Variants in SBK2 observed in about 807,000 individuals in gnomAD.
SBK2 encodes the protein serine/threonine-protein kinase SBK2.
A neutral mutation model predicts 15.9 loss-of-function variants in SBK2; 18 were observed. That is an observed-to-expected ratio of 1.13 (90% CI 0.78 to 1.68). The LOEUF (loss-of-function observed/expected upper bound fraction) is 1.68. Among genes scored for constraint, SBK2 ranks in the 40% most tolerant of loss-of-function variants. The probability of loss-of-function intolerance (pLI) is 0.00; values close to 1 mark genes in which losing one functional copy is unlikely to be tolerated. For synonymous variants in SBK2, 284 were observed against 246.8 expected (o/e 1.15, Z -1.41); for missense variants, 581 against 510.9 (o/e 1.14, Z -1.32).
At chr19:55,533,684 A>T (rs1335530534) in intron 2 of SBK2, among the ~76,000 whole-genome samples, 1 of 136,218 alleles carries the variant, frequency 7.3e-6, no homozygotes, top group African/African-American at 2.7e-5. Context: ...AAAAAAAAAA[A>T]AAAAAAAAAA....
In SBK2 at chr19:55,532,307, T is replaced by C. The variant is rs1027966945; in HGVS notation, c.254-962A>G. On this transcript the variant is annotated intron_variant, in intron 2 of 3. Coordinates refer to ENST00000413299, the MANE Select transcript of SBK2 (RefSeq NM_001370096.2). ...TTCTGATGTCTTCCTTTTTTTTTTT[T>C]TTTTTTTTTTTTGAGATGCAGTTTC... Among the ~76,000 whole-genome samples, 146 of 145,426 alleles carry C rather than the reference T, an allele frequency of 1.0e-3. 2 individuals carry two copies. Among genetic ancestry groups the C allele is most frequent in the African/African-American group, 3.6e-3 (141 of 39,048 alleles).
In SBK2 at chr19:55,531,236, C is replaced by T. The variant is rs368234416; in HGVS notation, c.363G>A (p.Thr121=). The T allele has an allele frequency of 1.4e-5, 23 of 1,613,502 alleles. No individual in the cohort carries two copies. In the African/African-American group the frequency reaches 2.4e-4, roughly 17 times the overall value. ...LSLGAHSAIV[T]AYGIGIESAH... ...CCGACTCGATGCCAATGCCGTAGGC[C>T]GTCACGATGGCTGAGTGCGCGCCCA... is the stretch of plus-strand genomic sequence containing the variant. The change falls in exon 3 of 4, where the codon ACG becomes ACA. Residue 121 remains threonine (T), a synonymous_variant. Coordinates refer to ENST00000413299, the MANE Select transcript of SBK2 (RefSeq NM_001370096.2).
intron 2 of SBK2, among the ~76,000 whole-genome samples, chr19:55,531,572 G>A (rs1988268349): frequency 6.6e-6 from 1 of 152,246 alleles, no homozygotes; most frequent in Non-Finnish European, 1.5e-5. Flanking sequence ...GGGACCAGCT[G>A]GGGGCTCAGG....
chr19:55,529,804 C>A lies in SBK2; in HGVS notation c.976G>T (p.Gly326Trp). The change falls in exon 4 of 4, where the codon GGG becomes TGG. Residue 326 changes from glycine (G) to tryptophan (W), a missense_variant. Coordinates refer to ENST00000413299, the MANE Select transcript of SBK2 (RefSeq NM_001370096.2). ...CCCTCCCGCTGCCTCCAGGGGCGCC[C>A]CAGGTGCTCCCTGATGGCGATCACA... Reference protein sequence around the residue: ...SAVIAIREHLGRPWRQREGEA... With the variant: ...SAVIAIREHLWRPWRQREGEA... The A allele has an allele frequency of 6.2e-7, 1 of 1,604,474 alleles. No homozygotes were observed.
At position 55,532,295 on chromosome 19, in the gene SBK2, CTTTTTTTTT is replaced by C. The variant is rs540857379; in HGVS notation, c.254-959_254-951del. 8.8e-3 allele frequency among the ~76,000 whole-genome samples: 682 copies of C among 77,120 alleles called. 6 individuals are homozygous for C. The Middle Eastern group carries it at 0.11, about 12-fold the overall frequency. The allele number at this position is 77,120 out of a possible 152,430, so 50.6% of individuals were successfully genotyped here. On this transcript the variant is annotated intron_variant, in intron 2 of 3. Transcript: ENST00000413299. ...CCCCGAAGGAACTTCTGATGTCTTC[CTTTTTTTTT>C]TTTTTTTTTTTTTTTGAGATGCAGT... is the stretch of plus-strand genomic sequence containing the variant.
rs143867274 is a variant in SBK2 at position 55,535,256 on chromosome 19, A to G, written c.253+786T>C. Among the ~76,000 whole-genome samples, 46 of 151,096 alleles carry G rather than the reference A, an allele frequency of 3.0e-4. No homozygotes were observed. In the East Asian group the frequency reaches 7.4e-3, roughly 24 times the overall value. On this transcript the variant is annotated intron_variant, in intron 2 of 3. Coordinates refer to ENST00000413299, the MANE Select transcript of SBK2 (RefSeq NM_001370096.2). ...CTGACTGACCTCAGGTTGCCTCCCT[A>G]TTTTCCGTTTCATGGAAGGACACGG... is the stretch of plus-strand genomic sequence containing the variant.
At position 55,530,141 on chromosome 19, in the gene SBK2, C is replaced by G. The variant is rs1988215186; in HGVS notation, c.639G>C (p.Leu213=). The G allele has an allele frequency of 6.7e-7, 1 of 1,491,562 alleles. No individual in the cohort carries two copies. Among genetic ancestry groups the G allele is most frequent in the African/African-American group, 1.4e-5 (1 of 69,004 alleles). The allele number at this position is 1,491,562 out of a possible 1,614,324, so 92.4% of individuals were successfully genotyped here. ...DFGHTRPRGT[L]LRLAGPPIPY... is the part of the protein sequence containing the mutation. ...GGATGGGCGGCCCGGCCAGGCGCAG[C>G]AGCGTCCCGCGAGGCCTCGTGTGGC... is the stretch of plus-strand genomic sequence containing the variant. The change falls in exon 4 of 4, where the codon CTG becomes CTC. Residue 213 remains leucine (L), a synonymous_variant. Transcript: ENST00000413299.
At chr19:55,533,698 A>AAAAAAAAAAAT (rs1568492522) in intron 2 of SBK2, among the ~76,000 whole-genome samples, 1 of 69,574 alleles carries the variant, frequency 1.4e-5, no homozygotes, top group African/African-American at 6.2e-5. Context: ...AAAAAAAAAA[A>AAAAAAAAAAAT]GAAAAAGTTC....
chr19:55,530,334 A>T lies in SBK2; in HGVS notation c.457-11T>A. 7.2e-7 allele frequency: 1 copy of T among 1,394,938 alleles called. No individual in the cohort carries two copies. The highest frequency in any genetic ancestry group is 9.3e-7 in the Non-Finnish European group (1 of 1,077,944). The allele number at this position is 1,394,938 out of a possible 1,614,324, so 86.4% of individuals were successfully genotyped here. ...CTGCGGGAGGCCCACCTGCGGGGAG[A>T]GGGGTCAGGGCCCAGTGCCCCGGGG... On this transcript the variant is annotated splice_polypyrimidine_tract_variant and intron_variant, in intron 3 of 3. Coordinates refer to ENST00000413299, the MANE Select transcript of SBK2 (RefSeq NM_001370096.2).
intron 1 of SBK2, 95 bp from the exon 2 acceptor site, chr19:55,536,391 C>T (rs1988406404): frequency 9.1e-7 from 1 of 1,094,788 alleles, no homozygotes; most frequent in Non-Finnish European, 1.2e-6. Context: ...GGAGGAGGGG[C>T]TGGGGGCTCA....
chr19:55,529,884 G>C lies in SBK2; in HGVS notation c.896C>G (p.Ala299Gly). The change falls in exon 4 of 4, where the codon GCG becomes GGG. Residue 299 changes from alanine to glycine, a missense_variant. Ala to Gly is a moderately conservative substitution (Grantham distance 60). Coordinates refer to ENST00000413299, the MANE Select transcript of SBK2 (RefSeq NM_001370096.2). ...CAGCCCCCGCAGAAGCGCGTCGGCCGCGGCGGCCAGGCCGAACCAGGGCTG... is the reference window on the plus strand; with the variant it reads ...CAGCCCCCGCAGAAGCGCGTCGGCCCCGGCGGCCAGGCCGAACCAGGGCTG... Reference protein sequence around the residue: ...RPQPWFGLAAAADALLRGLLD... With the variant: ...RPQPWFGLAAGADALLRGLLD... The C allele has an allele frequency of 6.3e-7, 1 of 1,586,566 alleles. No homozygotes were observed. Among genetic ancestry groups the C allele is most frequent in the Non-Finnish European group, 8.6e-7 (1 of 1,169,452 alleles).
Position 55,529,992 on chromosome 19 carries a change from C to A in SBK2, c.788G>T (p.Trp263Leu). The A allele has an allele frequency of 3.3e-6, 5 of 1,525,702 alleles. No homozygotes were observed. The South Asian group carries it at 4.9e-5, about 15-fold the overall frequency. The allele number at this position is 1,525,702 out of a possible 1,614,324, so 94.5% of individuals were successfully genotyped here. A position where few individuals can be genotyped will look rare whatever the true frequency, so the allele number is the denominator to read the frequency against. The change falls in exon 4 of 4, where the codon TGG (tryptophan) becomes TTG (leucine). Residue 263 changes from tryptophan to leucine, a missense_variant. By Grantham distance (61) the Trp-to-Leu change is moderately conservative. Transcript: ENST00000413299. ...GTCGGCCTCGGCCAGGGGCCGGTCC[C>A]AGGGGAAGTAGCCCGTGAGGAGGCA... Reference protein sequence around the residue: ...LFCLLTGYFPWDRPLAEADPF... With the variant: ...LFCLLTGYFPLDRPLAEADPF...
Position 55,529,790 on chromosome 19 carries a change from C to T in SBK2, c.990G>A (p.Arg330=), listed in dbSNP as rs755810011. 15 of 1,604,156 alleles carry T rather than the reference C, an allele frequency of 9.4e-6. No individual in the cohort carries two copies. In the Admixed American group the frequency reaches 2.2e-4, roughly 23 times the overall value. Residue 330 remains arginine (R), a synonymous_variant, in exon 4 of 4, where the codon AGG becomes AGA. Coordinates refer to ENST00000413299, the MANE Select transcript of SBK2 (RefSeq NM_001370096.2). ...CTGCCTCCGCCTCGCCCTCCCGCTG[C>T]CTCCAGGGGCGCCCCAGGTGCTCCC... is the stretch of plus-strand genomic sequence containing the variant. ...AIREHLGRPW[R]QREGEAEAVG...
In SBK2 at chr19:55,529,766, T is replaced by G; in HGVS notation, c.1014A>C (p.Ala338=). The G allele has an allele frequency of 6.2e-7, 1 of 1,602,774 alleles. No individual in the cohort carries two copies. The highest frequency in any genetic ancestry group is 8.5e-7 in the Non-Finnish European group (1 of 1,179,676). The change falls in exon 4 of 4, where the codon GCA becomes GCC. Residue 338 remains alanine (A), a synonymous_variant. Transcript: ENST00000413299. ...CAGCCTCCTCTTCCACCGCTCCCAC[T>G]GCCTCCGCCTCGCCCTCCCGCTGCC... ...PWRQREGEAE[A]VGAVEEEAGQ is the part of the protein sequence containing the mutation.
chr19:55,531,321 A>C lies in SBK2; in HGVS notation c.278T>G (p.Leu93Arg). ...QKGTPLALKQLPKPRTSLRGF... is the reference protein window; with the variant it reads ...QKGTPLALKQRPKPRTSLRGF... Reference sequence around the variant, plus strand: ...ACGGAGGGACGTGCGGGGTTTCGGGAGCTGCTTCAGTGCCAGGGGTGTGCC... The same window carrying C: ...ACGGAGGGACGTGCGGGGTTTCGGGCGCTGCTTCAGTGCCAGGGGTGTGCC... The change falls in exon 3 of 4, where the codon CTC (leucine) becomes CGC (arginine). Residue 93 changes from leucine (L) to arginine (R), a missense_variant. Coordinates refer to ENST00000413299, the MANE Select transcript of SBK2 (RefSeq NM_001370096.2). The C allele has an allele frequency of 6.2e-6, 10 of 1,609,340 alleles. No homozygotes were observed. The highest frequency in any genetic ancestry group is 8.5e-6 in the Non-Finnish European group (10 of 1,178,226).
Position 55,536,169 on chromosome 19 carries a change from C to G in SBK2, c.126G>C (p.Leu42=). 1 of 1,606,736 alleles carries G rather than the reference C, an allele frequency of 6.2e-7. No individual in the cohort carries two copies. The highest frequency in any genetic ancestry group is 1.3e-5 in the African/African-American group (1 of 74,848). Residue 42 remains leucine, a synonymous_variant, in exon 2 of 4, where the codon CTG becomes CTC. Coordinates refer to ENST00000413299, the MANE Select transcript of SBK2 (RefSeq NM_001370096.2). The stretch of plus-strand genomic sequence containing the variant: ...GAGCACTCAGCGTCATCATGTCCTC[C>G]AGCGCGCGGGCAGCCTCCTGGCCCT... ...LQQGQEAARA[L]EDMMTLSAQT... is the part of the protein sequence containing the mutation.
In SBK2 at chr19:55,531,243, ATGGCT is replaced by A. The variant is rs758043888; in HGVS notation, c.351_355del (p.Ala118ArgfsTer379). On this transcript the variant is annotated frameshift_variant, in exon 3 of 4. Transcript: ENST00000413299. LOFTEE classifies it high-confidence loss of function. ...GATGCCAATGCCGTAGGCCGTCACGATGGCTGAGTGCGCGCCCAGCGAGAGCCCCA... is the reference window on the plus strand; with the variant it reads ...GATGCCAATGCCGTAGGCCGTCACGAGAGTGCGCGCCCAGCGAGAGCCCCA... 3.6e-5 allele frequency: 58 copies of A among 1,613,324 alleles called. No homozygotes were observed. In the Middle Eastern group the frequency reaches 1.5e-3, roughly 41 times the overall value.
At chr19:55,530,357 G>C in intron 3 of SBK2, 34 bp from the exon 4 acceptor site, 1 of 1,395,576 alleles carries the variant, frequency 7.2e-7, no homozygotes, top group Middle Eastern at 2.3e-4. Context: ...CAGTGCCCCG[G>C]GGCCACGGAA....
intron 2 of SBK2, among the ~76,000 whole-genome samples, chr19:55,534,889 G>A (rs1988360224): frequency 6.6e-6 from 1 of 151,824 alleles, no homozygotes; most frequent in Non-Finnish European, 1.5e-5. Flanking sequence ...GCTGGGCATG[G>A]TGGCATGCAC....
Sources: gnomAD v4.1 joint callset for allele counts (sites outside exome capture counted in the v4.1 genomes callset) on GRCh38, gnomAD v4.1.1 for gene constraint, MANE v1.5 for transcripts, NCBI Gene and HGNC (gene_info 2026-07-23, HGNC 2026-07-21) for gene names.